NR3C2: variants seen among roughly 807,000 people sequenced by gnomAD.
The protein encoded by NR3C2 is nuclear receptor subfamily 3 group C member 2, also known as mineralocorticoid receptor.
A neutral mutation model predicts 86.4 loss-of-function variants in NR3C2; 15 were observed. The observed-to-expected ratio is 0.17, with a 90% CI of 0.12 to 0.27. The LOEUF (loss-of-function observed/expected upper bound fraction) is 0.27. Among genes scored for constraint, NR3C2 ranks in the 10% least tolerant of loss-of-function variants. The pLI, the probability that NR3C2 is intolerant of heterozygous loss-of-function variation, is 1.00. For missense variants in NR3C2, 960 were observed against 1,195.6 expected, an observed-to-expected ratio of 0.80 and a Z score of 2.91; for synonymous variants, 458 against 450.5, an observed-to-expected ratio of 1.02 and a Z score of -0.21.
intron 2 of NR3C2, among the ~76,000 whole-genome samples, chr4:148,330,831 C>T (rs1021783450): frequency 6.6e-6 from 1 of 152,094 alleles, no homozygotes; most frequent in East Asian, 1.9e-4. Flanking sequence ...ATTCCCTTGG[C>T]GATGAGATAG....
rs1740760474 is a variant in NR3C2, at chr4:148,272,879, G to T, written c.1758-12762C>A. On this transcript the variant is annotated intron_variant, in intron 2 of 8. Transcript: ENST00000358102. Reference sequence around the variant, plus strand: ...GTTCCACTGGCATTTGCAAAAAAAAGAAAAAGACTTCAGTATACCTATAAA... The same window carrying T: ...GTTCCACTGGCATTTGCAAAAAAAATAAAAAGACTTCAGTATACCTATAAA... Among the ~76,000 whole-genome samples, 5 of 152,086 alleles carry T rather than the reference G, an allele frequency of 3.3e-5. No individual in the cohort carries two copies. The South Asian group carries it at 1.0e-3, about 32-fold the overall frequency.
At chr4:148,263,918 T>C (rs974572552) in intron 2 of NR3C2, among the ~76,000 whole-genome samples, 1 of 152,206 alleles carries the variant, frequency 6.6e-6, no homozygotes, top group African/African-American at 2.4e-5. Context: ...TGTGCACTTA[T>C]CCTAATCCCT....
chr4:148,202,399 C>T (rs1437088315), intron 3 of NR3C2, among the ~76,000 whole-genome samples: 1 of 152,234 alleles, frequency 6.6e-6, no homozygotes, highest in African/African-American at 2.4e-5. Context: ...TCCACATTGG[C>T]TTCATCCTTT....
At chr4:148,176,952 T>C (rs1735406395) in intron 4 of NR3C2, among the ~76,000 whole-genome samples, 1 of 152,232 alleles carries the variant, frequency 6.6e-6, no homozygotes, top group Non-Finnish European at 1.5e-5. Flanking sequence ...GAAGAACAAT[T>C]ACATTTTGGA....
intron 2 of NR3C2, among the ~76,000 whole-genome samples, chr4:148,282,913 C>T (rs961388893): frequency 4.0e-5 from 6 of 151,696 alleles, no homozygotes; most frequent in South Asian, 2.1e-4. Context: ...AAGGCTATGG[C>T]GGGAAGAATA....
In NR3C2 at chr4:148,154,866, T is replaced by C; in HGVS notation, c.2050A>G (p.Ile684Val). 1.3e-6 allele frequency: 2 copies of C among 1,577,268 alleles called. No individual in the cohort carries two copies. Among genetic ancestry groups the C allele is most frequent in the South Asian group, 2.3e-5 (2 of 86,446 alleles). ...TGCTGCTGTGGCTGCTCCTCGTGAA[T>C]CCCTTTTAACTTTCCCAACTTCTTT... ...KSKKLGKLKG[I>V]HEEQPQQQQP... Residue 684 changes from isoleucine to valine, a missense_variant, in exon 5 of 9, where the codon ATT becomes GTT. Ile to Val is a conservative substitution (Grantham distance 29, BLOSUM62 3). This residue lies in a region of NR3C2 where 82 missense variants were observed against 73.0 expected (regional missense o/e 1.12). Coordinates refer to ENST00000358102, the MANE Select transcript of NR3C2 (RefSeq NM_000901.5).
chr4:148,090,507 A>C (rs1211568979), intron 8 of NR3C2, among the ~76,000 whole-genome samples: 1 of 152,232 alleles, frequency 6.6e-6, no homozygotes, highest in African/African-American at 2.4e-5. Context: ...AAGAAAAGGA[A>C]CAAGTAAGTC....
chr4:148,341,792 T>C (rs1222753626), intron 2 of NR3C2, among the ~76,000 whole-genome samples: 1 of 151,994 alleles, frequency 6.6e-6, no homozygotes, highest in Non-Finnish European at 1.5e-5. Flanking sequence ...TACCCAGAAA[T>C]AAACACCTTG....
intron 3 of NR3C2, among the ~76,000 whole-genome samples, chr4:148,205,197 C>T (rs975331539): frequency 3.9e-5 from 6 of 152,196 alleles, no homozygotes; most frequent in African/African-American, 1.2e-4. Flanking sequence ...TAACAAAGGA[C>T]AACTGAATCA....
At chr4:148,396,566 G>A (rs1477487058) in intron 2 of NR3C2, among the ~76,000 whole-genome samples, 1 of 152,198 alleles carries the variant, frequency 6.6e-6, no homozygotes, top group Non-Finnish European at 1.5e-5. Context: ...GAGGAGAAGA[G>A]TTTCATTAAA....
chr4:148,233,366 G>GATTTTTT (rs112814167), intron 3 of NR3C2, among the ~76,000 whole-genome samples: 1 of 142,784 alleles, frequency 7.0e-6, no homozygotes, highest in Non-Finnish European at 1.5e-5. Context: ...ATTTCTTTAG[G>GATTTTTT]TTTTTTTTTT....
rs545348944 is a variant in NR3C2, at chr4:148,361,561, G to A, written c.1757+73543C>T. On this transcript the variant is annotated intron_variant, in intron 2 of 8. Coordinates refer to ENST00000358102, the MANE Select transcript of NR3C2 (RefSeq NM_000901.5). ...CATTATGTCATTAATAGGAAATTGTGGGCTCTGGTTTTAATCTCAACTCTG... is the reference window on the plus strand; with the variant it reads ...CATTATGTCATTAATAGGAAATTGTAGGCTCTGGTTTTAATCTCAACTCTG... Among the ~76,000 whole-genome samples, 4 of 152,236 alleles carry A rather than the reference G, an allele frequency of 2.6e-5. No homozygotes were observed. The East Asian group carries it at 7.7e-4, about 29-fold the overall frequency.
intron 2 of NR3C2, among the ~76,000 whole-genome samples, chr4:148,301,170 G>T (rs539238385): frequency 5.4e-4 from 82 of 152,014 alleles, no homozygotes; most frequent in Non-Finnish European, 9.6e-4. Flanking sequence ...ATAGCTACTG[G>T]ATCTTCTGCC....
intron 8 of NR3C2, among the ~76,000 whole-genome samples, chr4:148,089,733 A>G (rs898909782): frequency 3.3e-5 from 5 of 152,172 alleles, no homozygotes; most frequent in African/African-American, 1.2e-4. Context: ...TGGCAGGACC[A>G]TGGCTGTCAA....
At chr4:148,438,107 C>T (rs1213747562) in intron 1 of NR3C2, among the ~76,000 whole-genome samples, 1 of 152,192 alleles carries the variant, frequency 6.6e-6, no homozygotes, top group Non-Finnish European at 1.5e-5. Context: ...GTTGGAGCTG[C>T]AATTTGATCG....
intron 2 of NR3C2, among the ~76,000 whole-genome samples, chr4:148,328,971 C>T (rs1245911681): frequency 6.6e-6 from 1 of 152,192 alleles, no homozygotes; most frequent in Non-Finnish European, 1.5e-5. Context: ...TCTCCCCTTT[C>T]ATTCATTACC....
Position 148,409,055 on chromosome 4 carries a change from C to T in NR3C2, c.1757+26049G>A, listed in dbSNP as rs1373843777. On this transcript the variant is annotated intron_variant, in intron 2 of 8. Coordinates refer to ENST00000358102, the MANE Select transcript of NR3C2 (RefSeq NM_000901.5). ...CAATGAATTGTTGTAAATGTTTGTC[C>T]AAATTTCTCATTATTCCCCTAGGAT... Among the ~76,000 whole-genome samples, 5 of 152,146 alleles carry T rather than the reference C, an allele frequency of 3.3e-5. No homozygotes were observed. The East Asian group carries it at 9.7e-4, about 29-fold the overall frequency.
rs561538984 is a variant in NR3C2, at chr4:148,280,519, G to GA, written c.1758-20403dup. Among the ~76,000 whole-genome samples, 989 of 152,084 alleles carry GA rather than the reference G, an allele frequency of 6.5e-3. 8 individuals carry two copies. The highest frequency in any genetic ancestry group is 0.023 in the African/African-American group (941 of 41,486). ...ATAAAATTAATTCTCTTACTTTTGA[G>GA]ACAAGATCTTACATTATTGCCCAGG... On this transcript the variant is annotated intron_variant, in intron 2 of 8. Transcript: ENST00000358102.
rs190797945 is a variant in NR3C2, at chr4:148,411,415, T to A, written c.1757+23689A>T. On this transcript the variant is annotated intron_variant, in intron 2 of 8. Coordinates refer to ENST00000358102, the MANE Select transcript of NR3C2 (RefSeq NM_000901.5). ...TATTTTTCAAAATAAAATTAAAATA[T>A]TACAGACAAGGGTAATGTGTTTGTT... Among the ~76,000 whole-genome samples, 51 of 152,314 alleles carry A rather than the reference T, an allele frequency of 3.3e-4. 1 individual carries two copies. The highest frequency in any genetic ancestry group is 1.5e-5 in the Non-Finnish European group (1 of 68,022).
Sources: gnomAD v4.1 joint callset for allele counts (sites outside exome capture counted in the v4.1 genomes callset) on GRCh38, gnomAD v4.1.1 for gene constraint, gnomAD v4.1.1 regional missense constraint, MANE v1.5 for transcripts, NCBI Gene and HGNC (gene_info 2026-07-23, HGNC 2026-07-21) for gene names.